Variants in RHBDF2 observed in about 807,000 individuals in gnomAD.
RHBDF2 encodes rhomboid 5 homolog 2, also known as inactive rhomboid protein 2.
In RHBDF2, 38 loss-of-function variants were observed where a neutral mutation model predicts 95.2. The ratio of observed to expected loss-of-function variants is 0.40; its 90% CI spans 0.31 to 0.52. RHBDF2 has a LOEUF of 0.52. Ranked by LOEUF, RHBDF2 falls within the 20% of genes least tolerant of loss-of-function variation. The probability of loss-of-function intolerance (pLI) is 0.56; values close to 1 mark genes in which losing one functional copy is unlikely to be tolerated. For missense variants in RHBDF2, 863 were observed against 1,137.7 expected (o/e 0.76, Z 3.47); for synonymous variants, 442 against 462.0 (o/e 0.96, Z 0.55).
intron 7 of RHBDF2, 144 bp downstream of exon 7, chr17:76,477,513 C>T: frequency 9.7e-7 from 1 of 1,030,122 alleles, no homozygotes; most frequent in Non-Finnish European, 1.4e-6. Context: ...GGGGGCCCAG[C>T]AGCTCCACAT....
chr17:76,492,235 G>A (rs577509780), intron 1 of RHBDF2, among the ~76,000 whole-genome samples: 2 of 152,258 alleles, frequency 1.3e-5, no homozygotes, highest in Admixed American at 6.5e-5. Flanking sequence ...GAAGTGCAGA[G>A]TTCAGATCAC....
At chr17:76,479,386 G>T in intron 4 of RHBDF2, 109 bp from the exon 5 acceptor site, 1 of 1,473,358 alleles carries the variant, frequency 6.8e-7, no homozygotes, top group Non-Finnish European at 9.2e-7. Context: ...ACAGGGAGGT[G>T]GGGGGCGGAT....
intron 1 of RHBDF2, among the ~76,000 whole-genome samples, chr17:76,496,610 G>C (rs1486775205): frequency 6.6e-6 from 1 of 152,212 alleles, no homozygotes; most frequent in African/African-American, 2.4e-5. Context: ...TTACAGACAT[G>C]ATCTCATTTA....
chr17:76,495,062 C>T (rs547487538), intron 1 of RHBDF2, among the ~76,000 whole-genome samples: 1 of 152,168 alleles, frequency 6.6e-6, no homozygotes, highest in Admixed American at 6.5e-5. Context: ...GTGTGCACCA[C>T]ACAGTGCCAC....
chr17:76,488,507 A>AAACG (rs1246559838), intron 1 of RHBDF2, among the ~76,000 whole-genome samples: 1 of 149,544 alleles, frequency 6.7e-6, no homozygotes, highest in Non-Finnish European at 1.5e-5. Context: ...CTCAAAAAAC[A>AAACG]AACAAAACCA....
At chr17:76,491,191 C>CCTCCCCACTAGA (rs567928752) in intron 1 of RHBDF2, among the ~76,000 whole-genome samples, 1 of 152,108 alleles carries the variant, frequency 6.6e-6, no homozygotes, top group African/African-American at 2.4e-5. Flanking sequence ...GTCTAGTGGA[C>CCTCCCCACTAGA]CTCCCCACTA....
At chr17:76,474,347 G>C (rs2073694889) in intron 12 of RHBDF2, 26 bp downstream of exon 12, 18 of 1,605,220 alleles carry the variant, frequency 1.1e-5, no homozygotes, top group Non-Finnish European at 1.4e-5. Context: ...GGTCTGGCAG[G>C]GGTAGGAGGG....
intron 15 of RHBDF2, 117 bp downstream of exon 15, chr17:76,473,531 T>G: frequency 1.0e-6 from 1 of 991,684 alleles, no homozygotes; most frequent in Non-Finnish European, 1.5e-6. Flanking sequence ...AGGACAGTTA[T>G]TGGAGGGCAT....
chr17:76,476,849 C>A lies in RHBDF2; in HGVS notation c.1096G>T (p.Glu366Ter), dbSNP rs563406830. 6.2e-7 allele frequency: 1 copy of A among 1,608,556 alleles called. No individual in the cohort carries two copies. The highest frequency in any genetic ancestry group is 1.3e-5 in the African/African-American group (1 of 75,042). The change falls in exon 9 of 19, where the codon GAG (glutamate) becomes TAG (stop). Residue 366 changes from glutamate (E) to a stop codon, truncating the protein, a stop_gained. Coordinates refer to ENST00000675367, the MANE Select transcript of RHBDF2 (RefSeq NM_001005498.4). LOFTEE classifies it high-confidence loss of function. ...CCTCACCGGTGGCTGTCGAAGCTCT[C>A]CAGCTGCCGCTGCACAGTGCTGCTG... ...SISSTVQRQL[E>*]SFDSHRPYFT...
chr17:76,475,044 C>T lies in RHBDF2; in HGVS notation c.1213G>A (p.Val405Ile), dbSNP rs572592053. 9.4e-6 allele frequency: 15 copies of T among 1,587,436 alleles called. No individual in the cohort carries two copies. Among genetic ancestry groups the T allele is most frequent in the African/African-American group, 8.0e-5 (6 of 74,832 alleles). Residue 405 changes from valine to isoleucine, a missense_variant, in exon 10 of 19, where the codon GTC (valine) becomes ATC (isoleucine). Val to Ile is a conservative substitution (Grantham distance 29, BLOSUM62 3). Transcript: ENST00000675367. ...GIAPVGFAQH[V>I]TTQLVLRNKG... ...ACCCGACTCACCAGCTGGGTGGTGACGTGCTGGGCAAAGCCCACGGGTGCG... is the reference window on the plus strand; with the variant it reads ...ACCCGACTCACCAGCTGGGTGGTGATGTGCTGGGCAAAGCCCACGGGTGCG...
chr17:76,485,276 T>G (rs1210326153), intron 2 of RHBDF2, among the ~76,000 whole-genome samples: 9 of 151,990 alleles, frequency 5.9e-5, no homozygotes, highest in Non-Finnish European at 1.5e-5. Context: ...CCAGGCATGG[T>G]GGTGCATCCC....
intron 1 of RHBDF2, among the ~76,000 whole-genome samples, chr17:76,489,330 T>G (rs1444146416): frequency 6.7e-6 from 1 of 150,152 alleles, no homozygotes; most frequent in Non-Finnish European, 1.5e-5. Context: ...TTCCTGTTTT[T>G]TTTTTTTTTT....
Position 76,471,449 on chromosome 17 carries a change from C to T in RHBDF2, c.*184G>A. The T allele has an allele frequency of 3.1e-6, 2 of 654,944 alleles. No individual in the cohort carries two copies. Among genetic ancestry groups the T allele is most frequent in the East Asian group, 2.8e-5 (1 of 35,744 alleles). The allele number at this position is 654,944 out of a possible 1,614,324, so 40.6% of individuals were successfully genotyped here. A position where few individuals can be genotyped will look rare whatever the true frequency, so the allele number is the denominator to read the frequency against. Reference sequence around the variant, plus strand: ...CACAGGCCTCACGCCCCAGAAAAACCCCGCCTTAACCAACCATCTCACGCG... The same window carrying T: ...CACAGGCCTCACGCCCCAGAAAAACTCCGCCTTAACCAACCATCTCACGCG... On this transcript the variant is annotated 3_prime_UTR_variant, in exon 19 of 19. Transcript: ENST00000675367.
intron 6 of RHBDF2, 24 bp downstream of exon 6, chr17:76,478,782 G>A (rs760413024): frequency 6.9e-6 from 11 of 1,590,406 alleles, no homozygotes; most frequent in Middle Eastern, 3.4e-4. Context: ...AGAGGTGGGG[G>A]CCCTGCAGGA....
Position 76,472,027 on chromosome 17 carries a change from C to T in RHBDF2, c.2090G>A (p.Gly697Asp). 6.4e-7 allele frequency: 1 copy of T among 1,570,544 alleles called. No individual in the cohort carries two copies. The highest frequency in any genetic ancestry group is 8.6e-7 in the Non-Finnish European group (1 of 1,157,870). ...AEVGPAGSQFGLLACLFVELF... is the reference protein window; with the variant it reads ...AEVGPAGSQFDLLACLFVELF... ...CTCCACGAAGAGGCAGGCGAGGAGG[C>T]CGAACTGTGAGCCGGCCGGGCCCAC... The change falls in exon 19 of 19, where the codon GGC (glycine) becomes GAC (aspartate). Residue 697 changes from glycine (G) to aspartate (D), a missense_variant. Around this residue, in one of 2 missense-constraint regions of RHBDF2, gnomAD observed 252 missense variants for 412.2 expected, o/e 0.61. Coordinates refer to ENST00000675367, the MANE Select transcript of RHBDF2 (RefSeq NM_001005498.4).
Position 76,477,280 on chromosome 17 carries a change from G to T in RHBDF2, c.820C>A (p.Pro274Thr), listed in dbSNP as rs201135513. The T allele has an allele frequency of 6.3e-5, 102 of 1,611,772 alleles. No homozygotes were observed. Among genetic ancestry groups the T allele is most frequent in the Non-Finnish European group, 8.5e-5 (100 of 1,179,384 alleles). ...GGGGGGGACTCAAAGACATCATCAG[G>T]CATGGAGCTCATTTCTTCCTGGGGT... ...FFSKEEMSSM[P>T]DDVFESPPLS... Residue 274 changes from proline to threonine, a missense_variant, in exon 8 of 19, where the codon CCT (proline) becomes ACT (threonine). By Grantham distance (38) the Pro-to-Thr change is conservative. Transcript: ENST00000675367.
At chr17:76,478,624 A>G (rs900871931) in intron 6 of RHBDF2, among the ~76,000 whole-genome samples, 182 bp downstream of exon 6, 4 of 152,162 alleles carry the variant, frequency 2.6e-5, no homozygotes, top group Non-Finnish European at 1.5e-5. Flanking sequence ...AGAAGGATGG[A>G]CGCCTGGGTG....
In RHBDF2 at chr17:76,479,758, C is replaced by T. The variant is rs1336662286; in HGVS notation, c.247G>A (p.Ala83Thr). 3 of 1,611,462 alleles carry T rather than the reference C, an allele frequency of 1.9e-6. No individual in the cohort carries two copies. Among genetic ancestry groups the T allele is most frequent in the East Asian group, 2.2e-5 (1 of 44,860 alleles). Residue 83 changes from alanine to threonine, a missense_variant, in exon 4 of 19, where the codon GCC becomes ACC. Physicochemically the swap from Ala to Thr is moderately conservative, Grantham distance 58. Transcript: ENST00000675367. ...SEKRPGFRRQASLSQSIRKGA... is the reference protein window; with the variant it reads ...SEKRPGFRRQTSLSQSIRKGA... ...TTGCGGATGCTCTGGGACAGTGAGGCCTGGCGGCGGAAGCCAGGGCGCTTC... is the reference window on the plus strand; with the variant it reads ...TTGCGGATGCTCTGGGACAGTGAGGTCTGGCGGCGGAAGCCAGGGCGCTTC...
At chr17:76,484,263 C>CAAAAAT (rs1039453038) in intron 2 of RHBDF2, among the ~76,000 whole-genome samples, 92 of 152,026 alleles carry the variant, frequency 6.1e-4, no homozygotes, top group Middle Eastern at 3.4e-3. Context: ...AACTTCGTCT[C>CAAAAAT]AAAAATAAAA....
Sources: allele counts gnomAD v4.1 joint callset (sites outside exome capture counted in the v4.1 genomes callset), GRCh38; gene constraint gnomAD v4.1.1; regional missense constraint gnomAD v4.1.1; transcripts MANE v1.5; gene names NCBI Gene and HGNC (gene_info 2026-07-23, HGNC 2026-07-21).